The following LPP variants were observed in gnomAD, a reference collection of about 807,000 sequenced individuals.
The protein encoded by LPP is LIM domain containing preferred translocation partner in lipoma, also known as lipoma-preferred partner.
Under a neutral mutation model 60.4 loss-of-function variants are expected in LPP, and 38 were observed. The ratio of observed to expected loss-of-function variants is 0.63; its 90% CI spans 0.49 to 0.83. The LOEUF is 0.83. LPP is among the 40% of genes least tolerant of loss of function. The pLI is 0.00. For synonymous variants in LPP, 328 were observed against 290.8 expected (o/e 1.13, Z -1.30); for missense variants, 902 against 783.6 (o/e 1.15, Z -1.80).
rs1560353535 is a variant in LPP, at chr3:188,886,765, C to CACACACACACACACA, written c.*12286_*12287insACACACACACACACA. ...ACACACACACACACACACACACACA[C>CACACACACACACACA]CCCTTCCAAGAAAGCTGATCCTTCA... On this transcript the variant is annotated 3_prime_UTR_variant, in exon 12 of 12. Transcript: ENST00000617246. 8.8e-6 allele frequency: 2 copies of CACACACACACACACA among 227,428 alleles called. No homozygotes were observed. The highest frequency in any genetic ancestry group is 1.9e-4 in the South Asian group (1 of 5,366). 14.1% of individuals were successfully genotyped at this position (227,428 alleles called of 1,614,324 possible).
intron 7 of LPP, among the ~76,000 whole-genome samples, chr3:188,684,455 C>T (rs976415944): frequency 3.3e-5 from 5 of 152,164 alleles, no homozygotes; most frequent in South Asian, 2.1e-4. Flanking sequence ...CTATTAAGTT[C>T]TTCCATGTTC....
intron 3 of LPP, among the ~76,000 whole-genome samples, chr3:188,363,417 C>G (rs1202696182): frequency 6.6e-6 from 1 of 152,060 alleles, no homozygotes; most frequent in Non-Finnish European, 1.5e-5. Context: ...TTGAGGAAAT[C>G]AGGTAAATTA....
At chr3:188,384,320 A>G (rs1370850970) in intron 3 of LPP, among the ~76,000 whole-genome samples, 2 of 47,688 alleles carry the variant, frequency 4.2e-5, no homozygotes, top group African/African-American at 8.4e-5. Context: ...ATGGTAGTGT[A>G]TGTATGTGCA....
At chr3:188,715,053 G>A (rs1713245530) in intron 8 of LPP, among the ~76,000 whole-genome samples, 1 of 152,060 alleles carries the variant, frequency 6.6e-6, no homozygotes, top group Non-Finnish European at 1.5e-5. Context: ...AGAAAAATAT[G>A]TTGATACTAA....
chr3:188,825,269 C>CTCTGTGTGTGTGTGTGTGTG (rs1463318065), intron 9 of LPP, among the ~76,000 whole-genome samples: 6 of 101,754 alleles, frequency 5.9e-5, no homozygotes, highest in East Asian at 4.0e-4. Flanking sequence ...CTCTCTCTCT[C>CTCTGTGTGTGTGTGTGTGTG]TGTGTGTGTG....
At chr3:188,545,270 TAAA>T (rs11366638) in intron 6 of LPP, among the ~76,000 whole-genome samples, 7 of 144,952 alleles carry the variant, frequency 4.8e-5, no homozygotes, top group South Asian at 2.2e-4. Flanking sequence ...AAAAAAACAT[TAAA>T]AAAAAAAAAG....
intron 6 of LPP, chr3:188,554,106 A>C (rs2150562535): frequency 1.3e-5 from 2 of 152,318 alleles, no homozygotes; most frequent in Middle Eastern, 6.8e-3. Flanking sequence ...ATACATTTGA[A>C]GGAAAACTGC....
chr3:188,855,417 A>G (rs1032762983), intron 9 of LPP, among the ~76,000 whole-genome samples: 1 of 152,234 alleles, frequency 6.6e-6, no homozygotes, highest in East Asian at 1.9e-4. Flanking sequence ...AAATTCATGA[A>G]GTGATATCAT....
chr3:188,380,281 A>G (rs763961038), intron 3 of LPP, among the ~76,000 whole-genome samples: 7 of 152,262 alleles, frequency 4.6e-5, no homozygotes, highest in South Asian at 2.1e-4. Flanking sequence ...TCGATAGATT[A>G]TAGTTATAAA....
rs1770789799 is a variant in LPP at position 188,887,246 on chromosome 3, A to C, written c.*12767A>C. The C allele has an allele frequency of 4.5e-6, 1 of 220,624 alleles. No homozygotes were observed. Among genetic ancestry groups the C allele is most frequent in the Non-Finnish European group, 9.1e-6 (1 of 110,184 alleles). 13.7% of individuals were successfully genotyped at this position (220,624 alleles called of 1,614,324 possible). A position where few individuals can be genotyped will look rare whatever the true frequency, so the allele number is the denominator to read the frequency against. On this transcript the variant is annotated 3_prime_UTR_variant, in exon 12 of 12. Transcript: ENST00000617246. ...AAAATGGGAAGAGCTAGCTTTTCTT[A>C]GATACATTTCTTCCTTTTTTATTCT...
chr3:188,448,095 G>A (rs911633426), intron 4 of LPP, among the ~76,000 whole-genome samples: 2 of 152,142 alleles, frequency 1.3e-5, no homozygotes, highest in African/African-American at 2.4e-5. Flanking sequence ...TGTAAAAAGA[G>A]GGTCATAGGA....
At chr3:188,575,582 A>G (rs1330945641) in intron 6 of LPP, among the ~76,000 whole-genome samples, 2 of 152,136 alleles carry the variant, frequency 1.3e-5, no homozygotes, top group Non-Finnish European at 2.9e-5. Context: ...CTTTTGATGT[A>G]GCTCTCTTCA....
intron 7 of LPP, among the ~76,000 whole-genome samples, chr3:188,692,069 G>T (rs1862242191): frequency 6.6e-6 from 1 of 152,144 alleles, no homozygotes; most frequent in Non-Finnish European, 1.5e-5. Flanking sequence ...CATAGCCCTT[G>T]CAGAGAAACC....
chr3:188,386,260 G>GCACACACA (rs1491279764), intron 3 of LPP, among the ~76,000 whole-genome samples: 18 of 96,832 alleles, frequency 1.9e-4, no homozygotes, highest in East Asian at 2.6e-4. Context: ...GTCATAGCAT[G>GCACACACA]CGCGCACACA....
At chr3:188,663,722 C>T (rs1184615596) in intron 7 of LPP, among the ~76,000 whole-genome samples, 1 of 152,130 alleles carries the variant, frequency 6.6e-6, no homozygotes, top group African/African-American at 2.4e-5. Context: ...CACCAATGAC[C>T]ACTTTTCTGG....
chr3:188,301,354 A>G (rs1017762195), intron 2 of LPP, among the ~76,000 whole-genome samples: 4 of 152,240 alleles, frequency 2.6e-5, no homozygotes, highest in African/African-American at 9.6e-5. Flanking sequence ...AGTGGAAATA[A>G]CCAGAGCTCG....
At chr3:188,191,774 G>A (rs1458146157) in intron 1 of LPP, among the ~76,000 whole-genome samples, 1 of 152,196 alleles carries the variant, frequency 6.6e-6, no homozygotes, top group Non-Finnish European at 1.5e-5. Flanking sequence ...ATGTGCTTCC[G>A]GACCTCAAGG....
chr3:188,687,396 TC>T lies in LPP; in HGVS notation c.1114-20870del, dbSNP rs1232269383. 2.6e-5 allele frequency among the ~76,000 whole-genome samples: 4 copies of T among 152,202 alleles called. No individual in the cohort carries two copies. In the East Asian group the frequency reaches 7.7e-4, roughly 29 times the overall value. Reference sequence around the variant, plus strand: ...CATCTTGAATTGTGATCCCCACATGTCAAGGGAGGGAGGTGATTGGATCGTG... The same window carrying T: ...CATCTTGAATTGTGATCCCCACATGTAAGGGAGGGAGGTGATTGGATCGTG... On this transcript the variant is annotated intron_variant, in intron 7 of 11. Transcript: ENST00000617246.
chr3:188,581,845 A>C (rs1424231285), intron 6 of LPP, among the ~76,000 whole-genome samples: 2 of 151,874 alleles, frequency 1.3e-5, no homozygotes, highest in African/African-American at 4.8e-5. Context: ...ACCTTCTATT[A>C]CCTTTCTTTT....
Sources: allele counts gnomAD v4.1 joint callset (sites outside exome capture counted in the v4.1 genomes callset), GRCh38; gene constraint gnomAD v4.1.1; transcripts MANE v1.5; gene names NCBI Gene and HGNC (gene_info 2026-07-23, HGNC 2026-07-21).